The following MTUS2 variants were observed in gnomAD, a reference collection of about 807,000 sequenced individuals.
MTUS2 encodes the protein microtubule associated scaffold protein 2, also known as microtubule-associated tumor suppressor candidate 2.
A neutral mutation model predicts 114.1 loss-of-function variants in MTUS2; 40 were observed. The observed-to-expected ratio is 0.35, with a 90% CI of 0.27 to 0.46. MTUS2 has a LOEUF of 0.46. MTUS2 is among the 20% of genes least tolerant of loss of function. The probability of loss-of-function intolerance (pLI) is 1.00; values close to 1 mark genes in which losing one functional copy is unlikely to be tolerated. For missense variants in MTUS2, 1,679 were observed against 1,705.4 expected (o/e 0.98, Z 0.27); for synonymous variants, 688 against 672.0 (o/e 1.02, Z -0.37).
chr13:29,467,597 AG>A (rs67925728), intron 9 of MTUS2, among the ~76,000 whole-genome samples: 6,240 of 152,276 alleles, frequency 0.041, 156 homozygotes, highest in Middle Eastern at 0.068. Flanking sequence ...GTTTATGGGC[AG>A]TAGTGTTATT....
At chr13:29,420,832 G>A (rs1876041895) in intron 8 of MTUS2, among the ~76,000 whole-genome samples, 1 of 152,048 alleles carries the variant, frequency 6.6e-6, no homozygotes. Flanking sequence ...CAAATATACA[G>A]AAACTTAAGG....
At chr13:28,919,502 T>G (rs918248770) in intron 2 of MTUS2, among the ~76,000 whole-genome samples, 1 of 151,534 alleles carries the variant, frequency 6.6e-6, no homozygotes, top group Non-Finnish European at 1.5e-5. Flanking sequence ...ATTTTTTTCT[T>G]TATTTTTTAC....
intron 4 of MTUS2, among the ~76,000 whole-genome samples, chr13:29,047,808 C>T (rs1387803808): frequency 6.6e-6 from 1 of 152,186 alleles, no homozygotes; most frequent in South Asian, 2.1e-4. Context: ...CCACGCCTGG[C>T]CAGAATTTGC....
At chr13:29,448,563 A>C (rs79994248) in intron 9 of MTUS2, among the ~76,000 whole-genome samples, 81 of 150,818 alleles carry the variant, frequency 5.4e-4, no homozygotes, top group African/African-American at 1.9e-3. Flanking sequence ...ACTGCTGGAC[A>C]AAGCTGCCTC....
At chr13:29,148,856 A>G (rs1892552530) in intron 5 of MTUS2, among the ~76,000 whole-genome samples, 1 of 152,112 alleles carries the variant, frequency 6.6e-6, no homozygotes, top group Admixed American at 6.6e-5. Context: ...TGCAAAGGAC[A>G]TGATCTTATT....
chr13:29,305,883 C>G (rs1899427466), intron 6 of MTUS2, among the ~76,000 whole-genome samples: 1 of 152,128 alleles, frequency 6.6e-6, no homozygotes, highest in South Asian at 2.1e-4. Context: ...ATGCAAAAAT[C>G]CTCAGGAAAA....
chr13:29,039,501 T>G (rs377293889), intron 4 of MTUS2, among the ~76,000 whole-genome samples: 44 of 152,288 alleles, frequency 2.9e-4, no homozygotes, highest in African/African-American at 9.1e-4. Flanking sequence ...ACCCAGACCA[T>G]CTGGGGGACC....
chr13:29,390,516 G>A (rs1873350596), intron 8 of MTUS2, among the ~76,000 whole-genome samples: 1 of 151,368 alleles, frequency 6.6e-6, no homozygotes, highest in African/African-American at 2.4e-5. Context: ...TAACAGGCAT[G>A]GTGGCACGTG....
Position 29,503,378 on chromosome 13 carries a change from CT to C in MTUS2, c.*174del. 1.5e-6 allele frequency: 1 copy of C among 666,658 alleles called. No individual in the cohort carries two copies. The highest frequency in any genetic ancestry group is 2.5e-6 in the Non-Finnish European group (1 of 394,564). The allele number at this position is 666,658 out of a possible 1,614,324, so 41.3% of individuals were successfully genotyped here. On this transcript the variant is annotated 3_prime_UTR_variant, in exon 16 of 16. Transcript: ENST00000612955. The stretch of plus-strand genomic sequence containing the variant: ...GTGTAAGACTGCCCTGGTGTCGGCA[CT>C]TAGGAATGTGTAAATGGTAAAGTCT...
chr13:29,179,778 T>A (rs776729045), intron 5 of MTUS2, among the ~76,000 whole-genome samples: 9 of 152,356 alleles, frequency 5.9e-5, no homozygotes, highest in Admixed American at 2.0e-4. Context: ...AGCTCATATA[T>A]GTTTTCAGAT....
chr13:28,959,394 C>T (rs1028991023), intron 2 of MTUS2, among the ~76,000 whole-genome samples: 9 of 152,128 alleles, frequency 5.9e-5, no homozygotes, highest in Non-Finnish European at 1.0e-4. Context: ...GCAATGAGGT[C>T]GCATACCCCT....
chr13:29,484,651 G>C (rs1413648684), intron 10 of MTUS2, among the ~76,000 whole-genome samples: 1 of 152,240 alleles, frequency 6.6e-6, no homozygotes, highest in Admixed American at 6.5e-5. Context: ...GAGCGTGGGA[G>C]AGAGTGGGCC....
At chr13:29,181,192 C>A (rs1455293414) in intron 5 of MTUS2, among the ~76,000 whole-genome samples, 1 of 149,366 alleles carries the variant, frequency 6.7e-6, no homozygotes, top group East Asian at 2.0e-4. Context: ...CAGTGCTGCA[C>A]TGGAACATCT....
chr13:28,872,014 G>A (rs924828312), intron 2 of MTUS2, among the ~76,000 whole-genome samples: 1 of 152,210 alleles, frequency 6.6e-6, no homozygotes, highest in Non-Finnish European at 1.5e-5. Context: ...AAAGGATGGA[G>A]TTTATTCCAC....
intron 3 of MTUS2, among the ~76,000 whole-genome samples, chr13:29,032,280 G>T (rs1248521109): frequency 6.6e-6 from 1 of 152,174 alleles, no homozygotes; most frequent in Non-Finnish European, 1.5e-5. Context: ...TAAGATCATT[G>T]TTGAGAGAGA....
At chr13:28,904,288 T>C (rs959341014) in intron 2 of MTUS2, among the ~76,000 whole-genome samples, 5 of 151,492 alleles carry the variant, frequency 3.3e-5, no homozygotes, top group African/African-American at 9.7e-5. Flanking sequence ...GTCAATTTTG[T>C]TGCCCTTGCT....
intron 2 of MTUS2, among the ~76,000 whole-genome samples, chr13:28,996,873 G>T (rs1363403160): frequency 6.6e-6 from 1 of 151,982 alleles, no homozygotes; most frequent in African/African-American, 2.4e-5. Context: ...TGATTTTTTT[G>T]AAGGGATTTT....
intron 2 of MTUS2, among the ~76,000 whole-genome samples, chr13:28,976,105 G>A (rs1884084029): frequency 6.6e-6 from 1 of 150,602 alleles, no homozygotes; most frequent in African/African-American, 2.5e-5. Flanking sequence ...TCAGGAGGCT[G>A]AGGTGAGAGG....
chr13:29,127,198 C>A (rs75071981), intron 5 of MTUS2, among the ~76,000 whole-genome samples: 1 of 152,158 alleles, frequency 6.6e-6, no homozygotes, highest in Non-Finnish European at 1.5e-5. Context: ...TGCCCCCTCC[C>A]CCTGCCCAAG....
Sources: allele counts gnomAD v4.1 joint callset (sites outside exome capture counted in the v4.1 genomes callset), GRCh38; gene constraint gnomAD v4.1.1; transcripts MANE v1.5; gene names NCBI Gene and HGNC (gene_info 2026-07-23, HGNC 2026-07-21).